The following CLASP1 variants were observed in gnomAD, a reference collection of about 807,000 sequenced individuals.
The protein encoded by CLASP1 is CLIP-associating protein 1.
CLASP1 carries 38 observed loss-of-function variants against 192.3 expected under a neutral mutation model. The observed-to-expected ratio is 0.20, with a 90% confidence interval of 0.15 to 0.26. The LOEUF (loss-of-function observed/expected upper bound fraction) is 0.26. CLASP1 is among the 10% of genes least tolerant of loss of function. CLASP1 has a pLI of 1.00. For missense variants in CLASP1, 1,433 were observed against 1,932.5 expected (o/e 0.74, Z 4.85); for synonymous variants, 691 against 712.8 (o/e 0.97, Z 0.49).
intron 1 of CLASP1, among the ~76,000 whole-genome samples, chr2:121,646,404 A>G (rs2073189955): frequency 6.6e-6 from 1 of 152,146 alleles, no homozygotes; most frequent in African/African-American, 2.4e-5. Flanking sequence ...CACTGCACCC[A>G]GCCTCTTCTC....
intron 2 of CLASP1, among the ~76,000 whole-genome samples, chr2:121,547,203 A>T (rs2057530492): frequency 6.6e-6 from 1 of 152,126 alleles, no homozygotes; most frequent in South Asian, 2.1e-4. Context: ...TACCAGAGCT[A>T]TCCAGCCAGT....
At chr2:121,396,425 A>G (rs1316962915) in intron 30 of CLASP1, among the ~76,000 whole-genome samples, 1 of 152,252 alleles carries the variant, frequency 6.6e-6, no homozygotes, top group East Asian at 1.9e-4. Flanking sequence ...ATTTGGCTTG[A>G]GCTAGTATTA....
At chr2:121,535,318 T>C (rs1361182882) in intron 2 of CLASP1, among the ~76,000 whole-genome samples, 1 of 152,158 alleles carries the variant, frequency 6.6e-6, no homozygotes, top group Non-Finnish European at 1.5e-5. Flanking sequence ...TAACCAGTCT[T>C]ATTATGTCTA....
At chr2:121,428,466 T>A (rs2080832515) in intron 20 of CLASP1, among the ~76,000 whole-genome samples, 2 of 152,190 alleles carry the variant, frequency 1.3e-5, no homozygotes, top group Admixed American at 6.5e-5. Context: ...TGTCAAGAAT[T>A]CCTTTGCAGT....
intron 25 of CLASP1, among the ~76,000 whole-genome samples, chr2:121,405,857 T>G (rs910737850): frequency 6.6e-6 from 1 of 152,132 alleles, no homozygotes; most frequent in Non-Finnish European, 1.5e-5. Context: ...AGACAAATAA[T>G]AGGGGCAGGT....
chr2:121,456,989 G>A (rs2086801392), intron 14 of CLASP1, among the ~76,000 whole-genome samples: 1 of 152,180 alleles, frequency 6.6e-6, no homozygotes, highest in Non-Finnish European at 1.5e-5. Flanking sequence ...GCTGGAAAGA[G>A]GGTTCATAGA....
intron 2 of CLASP1, among the ~76,000 whole-genome samples, chr2:121,553,701 AAAAT>A (rs1282474435): frequency 4.6e-5 from 7 of 152,156 alleles, no homozygotes; most frequent in Admixed American, 3.9e-4. Context: ...CTCTGTCTCA[AAAAT>A]AAATAAATAA....
intron 7 of CLASP1, among the ~76,000 whole-genome samples, chr2:121,510,204 G>C (rs1282386441): frequency 3.9e-5 from 6 of 152,158 alleles, no homozygotes; most frequent in African/African-American, 1.4e-4. Flanking sequence ...GTAAAGATTA[G>C]AGTGAAATAA....
At chr2:121,625,014 G>A (rs1345863930) in intron 1 of CLASP1, among the ~76,000 whole-genome samples, 6 of 151,936 alleles carry the variant, frequency 3.9e-5, no homozygotes. Flanking sequence ...TTCCATTATG[G>A]TCAGAGAACA....
intron 8 of CLASP1, among the ~76,000 whole-genome samples, chr2:121,484,797 T>C (rs537795881): frequency 2.6e-5 from 4 of 152,344 alleles, no homozygotes; most frequent in African/African-American, 9.6e-5. Flanking sequence ...ACAGCCAAGA[T>C]AGTTTACAGG....
At chr2:121,570,444 A>G (rs1403634952) in intron 2 of CLASP1, among the ~76,000 whole-genome samples, 1 of 152,260 alleles carries the variant, frequency 6.6e-6, no homozygotes, top group Non-Finnish European at 1.5e-5. Context: ...CATGCTGAGC[A>G]TTTCAGCAAC....
intron 37 of CLASP1, among the ~76,000 whole-genome samples, chr2:121,349,794 C>G (rs2064018814): frequency 6.6e-6 from 1 of 152,288 alleles, no homozygotes; most frequent in Middle Eastern, 3.4e-3. Context: ...CCACAAGACC[C>G]TTTTGTAATA....
In CLASP1 at chr2:121,439,474, T is replaced by C. The variant is rs537124886; in HGVS notation, c.1912+7863A>G. Among the ~76,000 whole-genome samples, 6 of 152,234 alleles carry C rather than the reference T, an allele frequency of 3.9e-5. No individual in the cohort carries two copies. The South Asian group carries it at 8.3e-4, about 21-fold the overall frequency. On this transcript the variant is annotated intron_variant, in intron 19 of 39. Coordinates refer to ENST00000263710, the Ensembl canonical transcript of CLASP1. ...CTTGTGGGCATTTAGTGCTATAAAT[T>C]TCCCTCTACACACTGCTTTGAATGC...
In CLASP1 at chr2:121,570,598, G is replaced by A. The variant is rs572706758; in HGVS notation, c.195+35103C>T. Among the ~76,000 whole-genome samples the A allele has an allele frequency of 3.9e-5, 6 of 152,260 alleles. No homozygotes were observed. In the South Asian group the frequency reaches 1.0e-3, roughly 26 times the overall value. ...TGTAGTTTTCAATATCAGGGAGCCC[G>A]GCTTCTCCCTTCAAAAGGCAAGAGA... On this transcript the variant is annotated intron_variant, in intron 2 of 39. Coordinates refer to ENST00000263710, the Ensembl canonical transcript of CLASP1.
chr2:121,609,713 CG>C (rs2064947860), intron 1 of CLASP1, among the ~76,000 whole-genome samples: 1 of 152,142 alleles, frequency 6.6e-6, no homozygotes, highest in Admixed American at 6.5e-5. Context: ...GAGGCTGAGG[CG>C]GGCGGATCAT....
At chr2:121,605,113 C>T (rs1287459355) in intron 2 of CLASP1, among the ~76,000 whole-genome samples, 1 of 151,790 alleles carries the variant, frequency 6.6e-6, no homozygotes, top group Non-Finnish European at 1.5e-5. Flanking sequence ...CCCATGGGAC[C>T]TGGCCCCCAC....
intron 1 of CLASP1, among the ~76,000 whole-genome samples, chr2:121,615,282 C>T (rs12618829): frequency 0.24 from 36,056 of 151,562 alleles, 6,524 homozygotes; most frequent in African/African-American, 0.51. Context: ...GAGGTTGCAG[C>T]GAGCCAAGAT....
chr2:121,646,853 C>G (rs528354326), intron 1 of CLASP1, among the ~76,000 whole-genome samples: 1 of 151,286 alleles, frequency 6.6e-6, no homozygotes, highest in Non-Finnish European at 1.5e-5. Context: ...CTGGCTAACA[C>G]GGTGAAACCC....
At chr2:121,379,190 GATGA>G (rs1158585102) in intron 33 of CLASP1, among the ~76,000 whole-genome samples, 1 of 145,814 alleles carries the variant, frequency 6.9e-6, no homozygotes, top group East Asian at 2.0e-4. Flanking sequence ...CACCTTTCCT[GATGA>G]ATGAATATTT....
Sources: gnomAD v4.1 joint callset for allele counts (sites outside exome capture counted in the v4.1 genomes callset) on GRCh38, gnomAD v4.1.1 for gene constraint, MANE v1.5 for transcripts, NCBI Gene and HGNC (gene_info 2026-07-23, HGNC 2026-07-21) for gene names.